The following ATP6V0D1 variants were observed in gnomAD, a reference collection of about 807,000 sequenced individuals.
ATP6V0D1 encodes V-type proton ATPase subunit d 1.
ATP6V0D1 carries 13 observed loss-of-function variants against 39.0 expected under a neutral mutation model. That is an observed-to-expected ratio of 0.33 (90% CI 0.22 to 0.53). The LOEUF (loss-of-function observed/expected upper bound fraction) is 0.53. Among genes scored for constraint, ATP6V0D1 ranks in the 20% least tolerant of loss-of-function variants. The probability of loss-of-function intolerance (pLI) is 0.94; values close to 1 mark genes in which losing one functional copy is unlikely to be tolerated. For synonymous variants in ATP6V0D1, 191 were observed against 191.2 expected (o/e 1.00, Z 0.01); for missense variants, 272 against 470.9 (o/e 0.58, Z 3.91).
Position 67,447,971 on chromosome 16 carries a change from G to C in ATP6V0D1, c.303-3265C>G, listed in dbSNP as rs139808470. On this transcript the variant is annotated intron_variant, in intron 2 of 7. Coordinates refer to ENST00000290949, the MANE Select transcript of ATP6V0D1 (RefSeq NM_004691.5). This position sits in a 1 kb window ranked among gnomAD's most constrained non-coding sequence, Gnocchi z 4.1. ...GTCCTGAAGAGCCCTGTGCAGAGTG[G>C]AAAGTGAACAGAAATATCACTGTTT... Among the ~76,000 whole-genome samples, 116 of 152,252 alleles carry C rather than the reference G, an allele frequency of 7.6e-4. No homozygotes were observed. Among genetic ancestry groups the C allele is most frequent in the Non-Finnish European group, 1.4e-3 (95 of 68,016 alleles).
intron 1 of ATP6V0D1, among the ~76,000 whole-genome samples, chr16:67,468,216 C>T (rs774459393): frequency 1.3e-5 from 2 of 152,060 alleles, no homozygotes; most frequent in Non-Finnish European, 2.9e-5. Flanking sequence ...CACTTGAGCC[C>T]AGGAGGTTGA....
chr16:67,445,243 C>A (rs367954965), intron 2 of ATP6V0D1, among the ~76,000 whole-genome samples: 1 of 152,192 alleles, frequency 6.6e-6, no homozygotes, highest in Non-Finnish European at 1.5e-5. Flanking sequence ...CAGCACGGGG[C>A]TGCAGCAGGC....
Position 67,453,479 on chromosome 16 carries a change from C to T in ATP6V0D1, c.302+65G>A, listed in dbSNP as rs535362089. 1.9e-6 allele frequency: 3 copies of T among 1,579,098 alleles called. No individual in the cohort carries two copies. The highest frequency in any genetic ancestry group is 2.6e-6 in the Non-Finnish European group (3 of 1,157,116). On this transcript the variant is annotated intron_variant, in intron 2 of 7. Transcript: ENST00000290949. The surrounding 1 kb of genome is among the most constrained non-coding windows in gnomAD (Gnocchi z 4.1). ...GCAGCTAGCCTAAGCCACACTGAAC[C>T]CAGCTCCTGCAGGTGTAGCTATCCT...
intron 1 of ATP6V0D1, among the ~76,000 whole-genome samples, chr16:67,478,108 T>C (rs2041431569): frequency 6.6e-6 from 1 of 152,220 alleles, no homozygotes; most frequent in Non-Finnish European, 1.5e-5. Flanking sequence ...ATGTTGTAGC[T>C]TGTTGACATT....
Position 67,444,481 on chromosome 16 carries a change from G to A in ATP6V0D1, c.481+47C>T, listed in dbSNP as rs767360658. 6 of 1,545,154 alleles carry A rather than the reference G, an allele frequency of 3.9e-6. No individual in the cohort carries two copies. Among genetic ancestry groups the A allele is most frequent in the Non-Finnish European group, 5.3e-6 (6 of 1,137,466 alleles). ...TCCACAAACCCCACCCTGATGCGCTGATGCTGACACCACTGCCCACCTCCC... is the reference window on the plus strand; with the variant it reads ...TCCACAAACCCCACCCTGATGCGCTAATGCTGACACCACTGCCCACCTCCC... On this transcript the variant is annotated intron_variant, in intron 3 of 7. Coordinates refer to ENST00000290949, the MANE Select transcript of ATP6V0D1 (RefSeq NM_004691.5). This position sits in a 1 kb window ranked among gnomAD's most constrained non-coding sequence, Gnocchi z 4.8.
intron 1 of ATP6V0D1, among the ~76,000 whole-genome samples, chr16:67,461,782 A>G (rs1379628725): frequency 6.6e-6 from 1 of 152,184 alleles, no homozygotes. Context: ...AGCGGCACCG[A>G]CCATCAGCAA....
At chr16:67,471,209 CAG>C (rs1297321491) in intron 1 of ATP6V0D1, among the ~76,000 whole-genome samples, 7 of 152,148 alleles carry the variant, frequency 4.6e-5, no homozygotes, top group African/African-American at 1.7e-4. Flanking sequence ...GTTTTTGAGA[CAG>C]AGTCTGGTTC....
Position 67,439,263 on chromosome 16 carries a change from C to T in ATP6V0D1, c.639+11G>A, listed in dbSNP as rs1205726643. 4 of 1,614,074 alleles carry T rather than the reference C, an allele frequency of 2.5e-6. No individual in the cohort carries two copies. The Admixed American group carries it at 6.7e-5, about 27-fold the overall frequency. On this transcript the variant is annotated intron_variant, in intron 5 of 7. Coordinates refer to ENST00000290949, the MANE Select transcript of ATP6V0D1 (RefSeq NM_004691.5). Reference sequence around the variant, plus strand: ...GGGCACCAGCAGGCAGGAGGGCGGGCAGGCACTCACCTCCAGGATGGGGCA... The same window carrying T: ...GGGCACCAGCAGGCAGGAGGGCGGGTAGGCACTCACCTCCAGGATGGGGCA...
chr16:67,480,873 C>A (rs2041467377), intron 1 of ATP6V0D1, 84 bp downstream of exon 1: 2 of 1,553,440 alleles, frequency 1.3e-6, no homozygotes, highest in African/African-American at 1.4e-5. Flanking sequence ...CTTCAAGACC[C>A]CCCCTTCCGG....
rs77709865 is a variant in ATP6V0D1, at chr16:67,461,008, C to T, written c.131-7293G>A. The stretch of plus-strand genomic sequence containing the variant: ...CACCAGGTAACAGGTTCTGCAGTGC[C>T]AGCCTCCCAGGGCACTGCACAGACA... On this transcript the variant is annotated intron_variant, in intron 1 of 7. Coordinates refer to ENST00000290949, the MANE Select transcript of ATP6V0D1 (RefSeq NM_004691.5). 4.6e-5 allele frequency among the ~76,000 whole-genome samples: 7 copies of T among 152,338 alleles called. No homozygotes were observed. The East Asian group carries it at 1.3e-3, about 29-fold the overall frequency.
chr16:67,460,542 T>C (rs868385029), intron 1 of ATP6V0D1, among the ~76,000 whole-genome samples: 3 of 152,068 alleles, frequency 2.0e-5, no homozygotes, highest in Middle Eastern at 6.8e-3. Flanking sequence ...ACAGTATGAG[T>C]GTCCTCTTCA....
rs748856379 is a variant in ATP6V0D1, at chr16:67,444,497, C to T, written c.481+31G>A. The stretch of plus-strand genomic sequence containing the variant: ...TGATGCGCTGATGCTGACACCACTG[C>T]CCACCTCCCATGACCACCACAGCGG... On this transcript the variant is annotated intron_variant, in intron 3 of 7. Transcript: ENST00000290949. This position sits in a 1 kb window ranked among gnomAD's most constrained non-coding sequence, Gnocchi z 4.8. 1 of 1,561,724 alleles carries T rather than the reference C, an allele frequency of 6.4e-7. No homozygotes were observed. The highest frequency in any genetic ancestry group is 1.2e-5 in the South Asian group (1 of 85,616).
intron 2 of ATP6V0D1, among the ~76,000 whole-genome samples, chr16:67,448,001 G>A (rs960015521): frequency 1.3e-5 from 2 of 152,154 alleles, no homozygotes; most frequent in Non-Finnish European, 2.9e-5. Flanking sequence ...CTGTTTCTGA[G>A]CTCTGTCCAT....
rs2041013165 is a variant in ATP6V0D1, at chr16:67,438,998, C to T, written c.789G>A (p.Gln263=). The part of the protein sequence containing the change: ...AQLARADDYE[Q]VKNVADYYPE... The stretch of plus-strand genomic sequence containing the variant: ...GGTAGTAATCGGCCACGTTCTTGAC[C>T]TGTTCATAGTCGTCAGCCCGAGCCA... The change falls in exon 6 of 8, where the codon CAG becomes CAA. Residue 263 remains glutamine (Q), a synonymous_variant. Transcript: ENST00000290949. 3 of 1,614,134 alleles carry T rather than the reference C, an allele frequency of 1.9e-6. No individual in the cohort carries two copies. The highest frequency in any genetic ancestry group is 2.5e-6 in the Non-Finnish European group (3 of 1,180,022).
Position 67,453,629 on chromosome 16 carries a change from G to A in ATP6V0D1, c.217C>T (p.Arg73Trp). The A allele has an allele frequency of 6.2e-7, 1 of 1,614,142 alleles. No individual in the cohort carries two copies. Among genetic ancestry groups the A allele is most frequent in the Non-Finnish European group, 8.5e-7 (1 of 1,180,018 alleles). ...SPLTVSVIDD[R>W]LKEKMVVEFR... ...TCCACCACCATCTTCTCCTTGAGCC[G>A]GTCATCGATGACTGACACCGTCAGA... is the stretch of plus-strand genomic sequence containing the variant. The change falls in exon 2 of 8, where the codon CGG (arginine) becomes TGG (tryptophan). Residue 73 changes from arginine (R) to tryptophan (W), a missense_variant. Arg to Trp is a moderately radical substitution (Grantham distance 101). Coordinates refer to ENST00000290949, the MANE Select transcript of ATP6V0D1 (RefSeq NM_004691.5). The surrounding 1 kb of genome is among the most constrained non-coding windows in gnomAD (Gnocchi z 4.1).
chr16:67,443,282 A>G (rs1286603232), intron 3 of ATP6V0D1, 104 bp from the exon 4 acceptor site: 4 of 1,205,396 alleles, frequency 3.3e-6, no homozygotes, highest in East Asian at 2.4e-5. Context: ...CAAGGCCCAC[A>G]GGGCTGGGTA....
intron 3 of ATP6V0D1, among the ~76,000 whole-genome samples, chr16:67,443,841 C>G (rs552693576): frequency 2.0e-5 from 3 of 152,238 alleles, no homozygotes; most frequent in Non-Finnish European, 4.4e-5. Context: ...GGGCTCAGGC[C>G]TCTTAGCTCA....
At chr16:67,450,255 C>T (rs1337107471) in intron 2 of ATP6V0D1, among the ~76,000 whole-genome samples, 1 of 152,202 alleles carries the variant, frequency 6.6e-6, no homozygotes, top group Non-Finnish European at 1.5e-5. Context: ...GTGCACCATG[C>T]TCGCTACTCA....
chr16:67,458,828 C>T (rs2041265394), intron 1 of ATP6V0D1: 1 of 156,902 alleles, frequency 6.4e-6, no homozygotes, highest in South Asian at 2.0e-4. Flanking sequence ...CACCCCAGGA[C>T]CTTCCCACAA....
Sources: gnomAD v4.1 joint callset for allele counts (sites outside exome capture counted in the v4.1 genomes callset) on GRCh38, gnomAD v4.1.1 for gene constraint, Gnocchi (gnomAD v3.1) non-coding constraint, MANE v1.5 for transcripts, NCBI Gene and HGNC (gene_info 2026-07-23, HGNC 2026-07-21) for gene names.